ULK1: variants seen among roughly 807,000 people sequenced by gnomAD.
ULK1 encodes the protein unc-51 like autophagy activating kinase 1, also known as serine/threonine-protein kinase ULK1.
Under a neutral mutation model 117.5 loss-of-function variants are expected in ULK1, and 48 were observed. The observed-to-expected ratio is 0.41, with a 90% CI of 0.32 to 0.52. The LOEUF (loss-of-function observed/expected upper bound fraction) is 0.52, where lower values mean the gene tolerates loss of function less well. ULK1 is among the 20% of genes least tolerant of loss of function. The probability of loss-of-function intolerance (pLI) is 0.29; values close to 1 mark genes in which losing one functional copy is unlikely to be tolerated. For synonymous variants in ULK1, 790 were observed against 637.8 expected (o/e 1.24, Z -3.60); for missense variants, 1,387 against 1,473.4 (o/e 0.94, Z 0.96).
At chr12:131,913,174 G>A in intron 13 of ULK1, 24 bp from the exon 14 acceptor site, 1 of 1,555,858 alleles carries the variant, frequency 6.4e-7, no homozygotes, top group East Asian at 2.4e-5. Context: ...AGGACTCCAG[G>A]CCCAGCCTTG....
rs1170086532 is a variant in ULK1, at chr12:131,918,535, C to G, written c.2365C>G (p.Leu789Val). The G allele has an allele frequency of 6.2e-7, 1 of 1,610,972 alleles. No homozygotes were observed. The highest frequency in any genetic ancestry group is 1.1e-5 in the South Asian group (1 of 90,810). ...CTCTGCCAGCTCTTCTGCCCGCCAC[C>G]TGGTGCCTGGGCCCTGCAGCGAGGC... The part of the protein sequence containing the change: ...TGSASSSARH[L>V]VPGPCSEAPA... Residue 789 changes from leucine (L) to valine (V), a missense_variant, in exon 23 of 28, where the codon CTG becomes GTG. This residue lies in a region of ULK1 where 900 missense variants were observed against 858.9 expected (regional missense o/e 1.05). Transcript: ENST00000321867.
At position 131,895,801 on chromosome 12, in the gene ULK1, A is replaced by G. The variant is rs1389272757; in HGVS notation, c.223A>G (p.Ile75Val). The G allele has an allele frequency of 4.3e-6, 7 of 1,613,982 alleles. No homozygotes were observed. In the African/African-American group the frequency reaches 8.0e-5, roughly 18 times the overall value. The change falls in exon 3 of 28, where the codon ATC (isoleucine) becomes GTC (valine). Residue 75 changes from isoleucine (I) to valine (V), a missense_variant. By Grantham distance (29) the Ile-to-Val change is conservative. This residue lies in a region of ULK1 where 224 missense variants were observed against 325.2 expected (regional missense o/e 0.69). Coordinates refer to ENST00000321867, the MANE Select transcript of ULK1 (RefSeq NM_003565.4). The stretch of plus-strand genomic sequence containing the variant: ...GTCCTAGGAACTGAAACATGAAAAC[A>G]TCGTGGCCCTGTACGACTTCCAGGT... The part of the protein sequence containing the change: ...KILKELKHEN[I>V]VALYDFQEMA...
chr12:131,916,105 G>A lies in ULK1; in HGVS notation c.1824G>A (p.Leu608=). ...GGAACCTGCGGGGCTCACCCAAGCT[G>A]CCCGACTTCCTGCAGCGAAACCCCC... ...SCRNLRGSPK[L]PDFLQRNPLP... is the part of the protein sequence containing the mutation. The change falls in exon 19 of 28, where the codon CTG becomes CTA. Residue 608 remains leucine (L), a synonymous_variant. Coordinates refer to ENST00000321867, the MANE Select transcript of ULK1 (RefSeq NM_003565.4). 1.2e-6 allele frequency: 2 copies of A among 1,612,258 alleles called. No individual in the cohort carries two copies. Among genetic ancestry groups the A allele is most frequent in the Non-Finnish European group, 1.7e-6 (2 of 1,179,772 alleles).
chr12:131,908,849 G>T (rs567759604), intron 6 of ULK1, 32 bp downstream of exon 6: 21 of 1,606,418 alleles, frequency 1.3e-5, no homozygotes, highest in South Asian at 7.7e-5. Flanking sequence ...CGGGCCCGGC[G>T]GGGAGGGGCT....
intron 4 of ULK1, among the ~76,000 whole-genome samples, 175 bp from the exon 5 acceptor site, chr12:131,907,320 G>A (rs1273758826): frequency 6.6e-6 from 1 of 152,204 alleles, no homozygotes. Flanking sequence ...CACGCCTGCT[G>A]AGTATCACTA....
chr12:131,912,908 G>C (rs1004842430), intron 13 of ULK1, among the ~76,000 whole-genome samples: 1 of 152,228 alleles, frequency 6.6e-6, no homozygotes. Context: ...TAAAGGCTGG[G>C]GGGCAGGGCC....
chr12:131,919,801 G>A, intron 25 of ULK1, 178 bp from the exon 26 acceptor site: 1 of 1,074,030 alleles, frequency 9.3e-7, no homozygotes, highest in Non-Finnish European at 1.3e-6. Context: ...GAGGCCGTGG[G>A]GTCGGATGGC....
At chr12:131,912,237 G>A in intron 13 of ULK1, 148 bp downstream of exon 13, 2 of 1,287,110 alleles carry the variant, frequency 1.6e-6, no homozygotes, top group Non-Finnish European at 2.1e-6. Context: ...GCCCAGCTTG[G>A]TTGGGGAGGC....
At chr12:131,898,622 C>T (rs909304547) in intron 3 of ULK1, among the ~76,000 whole-genome samples, 3 of 152,030 alleles carry the variant, frequency 2.0e-5, no homozygotes, top group Admixed American at 6.6e-5. Flanking sequence ...CTGCCTCAGC[C>T]TCCCGAGTAG....
chr12:131,895,718 C>A (rs756239338), intron 2 of ULK1, 25 bp downstream of exon 2: 2 of 1,611,350 alleles, frequency 1.2e-6, no homozygotes, highest in Non-Finnish European at 1.7e-6. Flanking sequence ...GGGGAGGGGG[C>A]GTGGGCGTGG....
Position 131,915,085 on chromosome 12 carries a change from C to T in ULK1, c.1376C>T (p.Ser459Phe). ...CCTAATATCTGCCTTGTCTTCAGGT[C>T]CTCTGCCATCCGCAGGTCAGGCAGC... ...QSPTQFQTPR[S>F]SAIRRSGSTS... is the part of the protein sequence containing the mutation. Residue 459 changes from serine to phenylalanine, a missense_variant and splice_region_variant, in exon 17 of 28, where the codon TCC becomes TTC. Transcript: ENST00000321867. 2 of 1,544,334 alleles carry T rather than the reference C, an allele frequency of 1.3e-6. No homozygotes were observed. The highest frequency in any genetic ancestry group is 1.7e-6 in the Non-Finnish European group (2 of 1,146,384).
At chr12:131,919,003 G>T (rs1566129382) in intron 23 of ULK1, among the ~76,000 whole-genome samples, 1 of 139,694 alleles carries the variant, frequency 7.2e-6, no homozygotes, top group African/African-American at 2.6e-5. Context: ...TGGGGTGCAG[G>T]GTGTGTGGGG....
In ULK1 at chr12:131,894,644, A is replaced by T. The variant is rs1424845859; in HGVS notation, c.-358A>T. On this transcript the variant is annotated 5_prime_UTR_variant, in exon 1 of 28. Transcript: ENST00000321867. ...CGCAGTGCGGCTGCGCGGGCGTCTC[A>T]GGCTCTGAGGCCCGGGCGCCGCGGC... 1 of 148,978 alleles carries T rather than the reference A, an allele frequency of 6.7e-6. No homozygotes were observed. The highest frequency in any genetic ancestry group is 1.5e-5 in the Non-Finnish European group (1 of 67,234). 9.2% of individuals were successfully genotyped at this position (148,978 alleles called of 1,614,324 possible).
chr12:131,907,373 C>G (rs1419438949), intron 4 of ULK1, 122 bp from the exon 5 acceptor site: 4 of 1,278,880 alleles, frequency 3.1e-6, no homozygotes, highest in Non-Finnish European at 4.3e-6. Flanking sequence ...CTGCCCTGGG[C>G]TGGGCAGGTG....
chr12:131,899,221 T>G (rs541083802), intron 3 of ULK1, among the ~76,000 whole-genome samples: 3 of 140,382 alleles, frequency 2.1e-5, no homozygotes, highest in Non-Finnish European at 4.6e-5. Context: ...GTAGTTTCAC[T>G]CTTGTTGCCC....
chr12:131,906,744 A>AGAGATGTCCTCGTCTCCG, intron 3 of ULK1, 148 bp from the exon 4 acceptor site: 1 of 928,028 alleles, frequency 1.1e-6, no homozygotes, highest in Non-Finnish European at 1.7e-6. Flanking sequence ...CACGTGGCCC[A>AGAGATGTCCTCGTCTCCG]GAGATGTCCT....
chr12:131,906,771 G>A, intron 3 of ULK1, 121 bp from the exon 4 acceptor site: 3 of 1,271,622 alleles, frequency 2.4e-6, no homozygotes, highest in Non-Finnish European at 3.4e-6. Context: ...CCGGCCGCTG[G>A]CTGACCAGCT....
Position 131,915,908 on chromosome 12 carries a change from C to T in ULK1, c.1627C>T (p.His543Tyr). 6.8e-6 allele frequency: 11 copies of T among 1,611,542 alleles called. No homozygotes were observed. The highest frequency in any genetic ancestry group is 8.5e-6 in the Non-Finnish European group (10 of 1,179,822). The change falls in exon 19 of 28, where the codon CAC becomes TAC. Residue 543 changes from histidine (H) to tyrosine (Y), a missense_variant. His to Tyr is a moderately conservative substitution (Grantham distance 83). Around this residue, in one of 4 missense-constraint regions of ULK1, gnomAD observed 900 missense variants for 858.9 expected, o/e 1.05. Coordinates refer to ENST00000321867, the MANE Select transcript of ULK1 (RefSeq NM_003565.4). ...CTCTCTAGGCTCCTCTGCACCCGAGCACTCTCCCCGCACTTCCGGGCTGGG... is the reference window on the plus strand; with the variant it reads ...CTCTCTAGGCTCCTCTGCACCCGAGTACTCTCCCCGCACTTCCGGGCTGGG... ...SPRPGSSAPE[H>Y]SPRTSGLGCR...
At position 131,922,006 on chromosome 12, in the gene ULK1, C is replaced by G. The variant is rs767371916; in HGVS notation, c.*645C>G. ...CCAGGTCTGGACCTCAGCGGGAGAA[C>G]TGGCTCCGGGGGGAGTGGGGCCCTG... is the stretch of plus-strand genomic sequence containing the variant. On this transcript the variant is annotated 3_prime_UTR_variant, in exon 28 of 28. Transcript: ENST00000321867. The G allele has an allele frequency of 8.6e-5, 39 of 454,878 alleles. No individual in the cohort carries two copies. Among genetic ancestry groups the G allele is most frequent in the Middle Eastern group, 3.2e-4 (1 of 3,088 alleles). The allele number at this position is 454,878 out of a possible 1,614,324, so 28.2% of individuals were successfully genotyped here.
Sources: allele counts gnomAD v4.1 joint callset (sites outside exome capture counted in the v4.1 genomes callset), GRCh38; gene constraint gnomAD v4.1.1; regional missense constraint gnomAD v4.1.1; transcripts MANE v1.5; gene names NCBI Gene and HGNC (gene_info 2026-07-23, HGNC 2026-07-21).